Variants in CELF2 observed in about 807,000 individuals in gnomAD.
The protein encoded by CELF2 is CUG triplet repeat RNA-binding protein 2.
CELF2 carries 8 observed loss-of-function variants against 62.6 expected under a neutral mutation model. The observed-to-expected ratio is 0.13, with a 90% CI of 0.07 to 0.23. The LOEUF (loss-of-function observed/expected upper bound fraction) is 0.23. CELF2 is among the 10% of genes least tolerant of loss of function. The probability of loss-of-function intolerance (pLI) is 1.00; values close to 1 mark genes in which losing one functional copy is unlikely to be tolerated. For missense variants in CELF2, 333 were observed against 671.0 expected (o/e 0.50, Z 5.56); for synonymous variants, 258 against 250.0 (o/e 1.03, Z -0.30).
chr10:10,725,757 A>C, the CELF2 span, among the ~76,000 whole-genome samples: 1 of 152,182 alleles, frequency 6.6e-6, no homozygotes, highest in Admixed American at 6.5e-5. Context: ...TAATCACTAA[A>C]TGCAGAACGA....
chr10:11,314,674 A>AT lies in CELF2; in HGVS notation c.1096+417dup. 2 of 310,274 alleles carry AT rather than the reference A, an allele frequency of 6.4e-6. No homozygotes were observed. Among genetic ancestry groups the AT allele is most frequent in the South Asian group, 5.6e-5 (2 of 35,670 alleles). 19.2% of individuals were successfully genotyped at this position (310,274 alleles called of 1,614,324 possible). The stretch of plus-strand genomic sequence containing the variant: ...CAGGCAGCTGTGGGAAGTCAGGCAG[A>AT]TGCTGCTCCCTCTCTGGGCTTGGGA... On this transcript the variant is annotated intron_variant, in intron 10 of 12. Transcript: ENST00000633077. This position sits in a 1 kb window ranked among gnomAD's most constrained non-coding sequence, Gnocchi z 5.3.
chr10:10,643,022 G>A, the CELF2 span, among the ~76,000 whole-genome samples: 1 of 152,256 alleles, frequency 6.6e-6, no homozygotes, highest in Admixed American at 6.5e-5. Context: ...AGCCCTTTGA[G>A]TTCTGCAGAT....
intron 8 of CELF2, among the ~76,000 whole-genome samples, chr10:11,281,838 C>G (rs903148849): frequency 1.3e-5 from 2 of 152,192 alleles, no homozygotes; most frequent in African/African-American, 4.8e-5. Context: ...TAACCTAGTT[C>G]TTAGTTACAA....
At chr10:11,155,426 C>T (rs917743858) in intron 1 of CELF2, among the ~76,000 whole-genome samples, 5 of 152,116 alleles carry the variant, frequency 3.3e-5, no homozygotes, top group African/African-American at 1.2e-4. Context: ...CTCGTCTTCT[C>T]CTGCAGGTTT....
the CELF2 span, among the ~76,000 whole-genome samples, chr10:10,532,453 C>A: frequency 1.3e-5 from 2 of 152,178 alleles, no homozygotes; most frequent in African/African-American, 4.8e-5. Context: ...GTTACCAAAG[C>A]AGCACTTTCA....
the CELF2 span, among the ~76,000 whole-genome samples, chr10:10,734,444 G>A: frequency 1.3e-5 from 2 of 152,208 alleles, no homozygotes; most frequent in Non-Finnish European, 2.9e-5. Context: ...TAGGATGTAT[G>A]TGTGTCCTCA....
At chr10:11,022,913 A>G (rs2058568563) in intron 1 of CELF2, among the ~76,000 whole-genome samples, 1 of 152,236 alleles carries the variant, frequency 6.6e-6, no homozygotes, top group Non-Finnish European at 1.5e-5. Context: ...CAGTACTATA[A>G]GCATTCCGTA....
the CELF2 span, among the ~76,000 whole-genome samples, chr10:10,665,496 C>T: frequency 3.3e-5 from 5 of 152,212 alleles, no homozygotes; most frequent in African/African-American, 1.2e-4. Context: ...TCTCTTCTCA[C>T]GACCGTGCAG....
At chr10:10,565,737 T>C in the CELF2 span, among the ~76,000 whole-genome samples, 1 of 152,198 alleles carries the variant, frequency 6.6e-6, no homozygotes, top group Non-Finnish European at 1.5e-5. Context: ...GTAATGCAAA[T>C]ATCTGTTACT....
At chr10:11,131,613 C>T (rs1025063952) in intron 1 of CELF2, among the ~76,000 whole-genome samples, 12 of 152,160 alleles carry the variant, frequency 7.9e-5, no homozygotes, top group Non-Finnish European at 1.8e-4. Context: ...TTATGTGCTA[C>T]GTTAGTATGG....
rs2094473572 is a variant in CELF2, at chr10:11,309,955, C to T, written c.977-4184C>T. Among the ~76,000 whole-genome samples the T allele has an allele frequency of 1.3e-5, 2 of 152,160 alleles. No homozygotes were observed. Among genetic ancestry groups the T allele is most frequent in the Non-Finnish European group, 2.9e-5 (2 of 68,032 alleles). ...CTGGAGGTGGTGCAGGGGCAGTGGC[C>T]TGCTTTTCTGTGAATGACACCTCTG... is the stretch of plus-strand genomic sequence containing the variant. On this transcript the variant is annotated intron_variant, in intron 9 of 12. Transcript: ENST00000633077. The surrounding 1 kb of genome is among the most constrained non-coding windows in gnomAD (Gnocchi z 5.6).
chr10:10,560,749 T>C, the CELF2 span, among the ~76,000 whole-genome samples: 3 of 152,142 alleles, frequency 2.0e-5, no homozygotes, highest in Non-Finnish European at 2.9e-5. Context: ...TAAGTCACAA[T>C]TGCAAAATTG....
intron 1 of CELF2, among the ~76,000 whole-genome samples, chr10:10,877,233 GTTAAT>G (rs1460779767): frequency 8.5e-5 from 13 of 152,364 alleles, no homozygotes; most frequent in Non-Finnish European, 2.9e-5. Context: ...ACAGCTCTCA[GTTAAT>G]TTAGACAATT....
chr10:10,876,829 T>C (rs149760215), intron 1 of CELF2, among the ~76,000 whole-genome samples: 1 of 152,364 alleles, frequency 6.6e-6, no homozygotes, highest in African/African-American at 2.4e-5. Flanking sequence ...GAGACACTTG[T>C]TTAAATGGAG....
In CELF2 at chr10:11,319,144, C is replaced by T. The variant is rs1032046952; in HGVS notation, c.1097-2045C>T. 1.3e-5 allele frequency: 6 copies of T among 468,854 alleles called. No homozygotes were observed. The highest frequency in any genetic ancestry group is 2.7e-5 in the Non-Finnish European group (6 of 226,384). 29.0% of individuals were successfully genotyped at this position (468,854 alleles called of 1,614,324 possible). The stretch of plus-strand genomic sequence containing the variant: ...CCCGCCAGAATTTCCTCCACACGGG[C>T]ATCTGCATTTCCAGAGGACTGTGCC... On this transcript the variant is annotated intron_variant, in intron 10 of 12. Coordinates refer to ENST00000633077, the MANE Select transcript of CELF2 (RefSeq NM_001326342.2). This position sits in a 1 kb window ranked among gnomAD's most constrained non-coding sequence, Gnocchi z 4.4.
At chr10:10,799,730 G>A (rs1224246944) in intron 1 of CELF2, among the ~76,000 whole-genome samples, 1 of 151,764 alleles carries the variant, frequency 6.6e-6, no homozygotes, top group African/African-American at 2.4e-5. Context: ...AGAAAAATTA[G>A]AACACAAGGA....
intron 1 of CELF2, among the ~76,000 whole-genome samples, chr10:11,073,704 G>T (rs2070903939): frequency 6.6e-6 from 1 of 152,204 alleles, no homozygotes; most frequent in Non-Finnish European, 1.5e-5. Context: ...ACAGAGTGCT[G>T]ATCTTACTAA....
rs2140410554 is a variant in CELF2, at chr10:11,309,493, T to TA, written c.977-4644dup. ...CACTGCCTCTTTGCCTGATCTCTGT[T>TA]AAGTTTCTGGCTGCTGTATCTCTGT... On this transcript the variant is annotated intron_variant, in intron 9 of 12. Transcript: ENST00000633077. The surrounding 1 kb of genome is among the most constrained non-coding windows in gnomAD (Gnocchi z 5.6). Among the ~76,000 whole-genome samples the TA allele has an allele frequency of 1.3e-5, 2 of 152,370 alleles. No individual in the cohort carries two copies. Among genetic ancestry groups the TA allele is most frequent in the Non-Finnish European group, 2.9e-5 (2 of 68,038 alleles).
At chr10:10,586,469 G>T in the CELF2 span, among the ~76,000 whole-genome samples, 1 of 152,058 alleles carries the variant, frequency 6.6e-6, no homozygotes, top group African/African-American at 2.4e-5. Flanking sequence ...TTAAATCTGA[G>T]ACTTACATCC....
Sources: gnomAD v4.1 joint callset for allele counts (sites outside exome capture counted in the v4.1 genomes callset) on GRCh38, gnomAD v4.1.1 for gene constraint, Gnocchi (gnomAD v3.1) non-coding constraint, MANE v1.5 for transcripts, NCBI Gene and HGNC (gene_info 2026-07-23, HGNC 2026-07-21) for gene names.